Variants in CARMIL1 observed in about 807,000 individuals in gnomAD.
CARMIL1 encodes the protein F-actin-uncapping protein LRRC16A.
A neutral mutation model predicts 177.1 loss-of-function variants in CARMIL1; 90 were observed. The ratio of observed to expected loss-of-function variants is 0.51; its 90% confidence interval spans 0.43 to 0.61. CARMIL1 has a LOEUF of 0.61. CARMIL1 is among the 20% of genes least tolerant of loss of function. CARMIL1 has a pLI of 0.00. For missense variants in CARMIL1, 1,380 were observed against 1,667.0 expected (o/e 0.83, Z 3.00); for synonymous variants, 577 against 606.2 (o/e 0.95, Z 0.71).
At chr6:25,302,136 C>T (rs150258565) in intron 2 of CARMIL1, among the ~76,000 whole-genome samples, 75 of 152,250 alleles carry the variant, frequency 4.9e-4, no homozygotes, top group African/African-American at 8.7e-4. Flanking sequence ...TTTGAATGAT[C>T]GGCACTGACC....
intron 2 of CARMIL1, among the ~76,000 whole-genome samples, chr6:25,340,638 G>C (rs562648128): frequency 7.9e-5 from 12 of 152,212 alleles, no homozygotes; most frequent in African/African-American, 2.6e-4. Context: ...GTTGGCCACA[G>C]GAGCATTAAT....
In CARMIL1 at chr6:25,441,337, A is replaced by ATGTG. The variant is rs1554196401; in HGVS notation, c.371+5765_371+5768dup. ...CAAACAAACATATATATATATATAT[A>ATGTG]TGTGTGTGTGTGTGTGTGTGTGTGT... On this transcript the variant is annotated intron_variant, in intron 5 of 36. Transcript: ENST00000329474. 1.6e-3 allele frequency among the ~76,000 whole-genome samples: 149 copies of ATGTG among 94,492 alleles called. 2 individuals are homozygous for ATGTG. The highest frequency in any genetic ancestry group is 4.9e-3 in the African/African-American group (112 of 22,858). The allele number at this position is 94,492 out of a possible 152,430, so 62.0% of individuals were successfully genotyped here. A position where few individuals can be genotyped will look rare whatever the true frequency, so the allele number is the denominator to read the frequency against.
intron 22 of CARMIL1, among the ~76,000 whole-genome samples, chr6:25,518,610 T>C (rs1806244525): frequency 6.6e-6 from 1 of 152,170 alleles, no homozygotes; most frequent in Non-Finnish European, 1.5e-5. Flanking sequence ...AATGGAGACA[T>C]TTATTTACAC....
At chr6:25,522,698 T>C (rs1806693525) in intron 23 of CARMIL1, among the ~76,000 whole-genome samples, 3 of 152,324 alleles carry the variant, frequency 2.0e-5, no homozygotes, top group South Asian at 4.1e-4. Context: ...GTTACCTGGC[T>C]CCATGTTTTA....
At chr6:25,390,320 A>ATATATATATATATATATATTT (rs1554184839) in intron 2 of CARMIL1, among the ~76,000 whole-genome samples, 1 of 58,102 alleles carries the variant, frequency 1.7e-5, no homozygotes, top group Non-Finnish European at 3.3e-5. Context: ...ATATATATAT[A>ATATATATATATATATATATTT]TTTTTTTTTT....
chr6:25,479,067 G>A, intron 11 of CARMIL1: 1 of 518,058 alleles, frequency 1.9e-6, no homozygotes. Flanking sequence ...GTTCCAATGT[G>A]TATGCTTTCT....
chr6:25,479,510 CT>C (rs1296056558), intron 11 of CARMIL1, among the ~76,000 whole-genome samples: 1 of 152,132 alleles, frequency 6.6e-6, no homozygotes, highest in Non-Finnish European at 1.5e-5. Context: ...TTTACATTCT[CT>C]TTTCATTTGA....
intron 29 of CARMIL1, among the ~76,000 whole-genome samples, chr6:25,578,070 T>C (rs1471685876): frequency 6.6e-6 from 1 of 152,192 alleles, no homozygotes; most frequent in South Asian, 2.1e-4. Flanking sequence ...AGGCCTCAAG[T>C]TGACAGTGTT....
Position 25,533,027 on chromosome 6 carries a change from AAGAG to A in CARMIL1, c.2067+4138_2067+4141del, listed in dbSNP as rs781350007. On this transcript the variant is annotated intron_variant, in intron 24 of 36. Coordinates refer to ENST00000329474, the MANE Select transcript of CARMIL1 (RefSeq NM_017640.6). ...GCCTTCTCACCAAGAAAGAAAGAAA[AAGAG>A]AGAAGGAGGGAAAGAGAGAGAGAAA... Among the ~76,000 whole-genome samples, 136 of 152,294 alleles carry A rather than the reference AAGAG, an allele frequency of 8.9e-4. 1 individual carries two copies. The highest frequency in any genetic ancestry group is 6.8e-3 in the Middle Eastern group (2 of 294).
intron 8 of CARMIL1, among the ~76,000 whole-genome samples, chr6:25,457,311 T>A (rs945440695): frequency 1.8e-4 from 27 of 152,174 alleles, no homozygotes; most frequent in African/African-American, 6.5e-4. Context: ...ACACATTTTT[T>A]AGAGGGGAGG....
At position 25,287,936 on chromosome 6, in the gene CARMIL1, A is replaced by T. The variant is rs149536269; in HGVS notation, c.138+3027A>T. The stretch of plus-strand genomic sequence containing the variant: ...ATTTATTGAGAACCTGCTGTGTCCC[A>T]GGCACATGGTGTATACAAAATAGTC... On this transcript the variant is annotated intron_variant, in intron 2 of 36. Transcript: ENST00000329474. Among the ~76,000 whole-genome samples the T allele has an allele frequency of 3.3e-4, 50 of 152,350 alleles. 1 individual carries two copies. In the East Asian group the frequency reaches 9.6e-3, roughly 29 times the overall value.
At chr6:25,504,074 G>T (rs997542680) in intron 17 of CARMIL1, among the ~76,000 whole-genome samples, 1 of 152,026 alleles carries the variant, frequency 6.6e-6, no homozygotes, top group Admixed American at 6.5e-5. Context: ...TTTATAAATA[G>T]GTGATTAATT....
At chr6:25,449,837 A>G in intron 5 of CARMIL1, 61 bp from the exon 6 acceptor site, 1 of 925,368 alleles carries the variant, frequency 1.1e-6, no homozygotes, top group Non-Finnish European at 1.6e-6. Context: ...GACAAAATTT[A>G]TTTCTATGTG....
chr6:25,331,112 A>G (rs1785585713), intron 2 of CARMIL1, among the ~76,000 whole-genome samples: 2 of 152,152 alleles, frequency 1.3e-5, no homozygotes, highest in Admixed American at 6.5e-5. Context: ...CCCCTGAGGA[A>G]GTTGAGGATT....
chr6:25,345,814 G>A (rs766562235), intron 2 of CARMIL1, among the ~76,000 whole-genome samples: 5 of 151,992 alleles, frequency 3.3e-5, no homozygotes, highest in Non-Finnish European at 7.4e-5. Flanking sequence ...ATGGGGTTTC[G>A]CCATGTTGGC....
chr6:25,418,557 A>AG (rs1428806239), intron 2 of CARMIL1, among the ~76,000 whole-genome samples: 1 of 151,492 alleles, frequency 6.6e-6, no homozygotes, highest in Non-Finnish European at 1.5e-5. Flanking sequence ...TGTAAAAAAA[A>AG]AAAAAGATAA....
rs1358451748 is a variant in CARMIL1 at position 25,549,341 on chromosome 6, T to C, written c.2329-1569T>C. Among the ~76,000 whole-genome samples, 3 of 152,306 alleles carry C rather than the reference T, an allele frequency of 2.0e-5. No individual in the cohort carries two copies. In the East Asian group the frequency reaches 5.8e-4, roughly 29 times the overall value. ...GACAGAATTAAAACAGAGTATTGGA[T>C]TCCTGAGGTTGTTTGTATCAGGAGT... On this transcript the variant is annotated intron_variant, in intron 26 of 36. Coordinates refer to ENST00000329474, the MANE Select transcript of CARMIL1 (RefSeq NM_017640.6).
At chr6:25,393,798 A>C (rs970691252) in intron 2 of CARMIL1, among the ~76,000 whole-genome samples, 4 of 151,690 alleles carry the variant, frequency 2.6e-5, no homozygotes, top group Admixed American at 2.6e-4. Context: ...TGGAGGCTGC[A>C]GTGAGCTCTG....
At chr6:25,605,723 A>G (rs898733701) in intron 34 of CARMIL1, among the ~76,000 whole-genome samples, 4 of 152,230 alleles carry the variant, frequency 2.6e-5, no homozygotes, top group African/African-American at 4.8e-5. Context: ...AGATCTGAGA[A>G]AGACCCAAAT....
Sources: gnomAD v4.1 joint callset for allele counts (sites outside exome capture counted in the v4.1 genomes callset) on GRCh38, gnomAD v4.1.1 for gene constraint, MANE v1.5 for transcripts, NCBI Gene and HGNC (gene_info 2026-07-23, HGNC 2026-07-21) for gene names.